ARHGAP24: variants seen among roughly 807,000 people sequenced by gnomAD.
ARHGAP24 encodes Rho GTPase activating protein 24, also known as rho GTPase-activating protein 24.
ARHGAP24 carries 50 observed loss-of-function variants against 76.4 expected under a neutral mutation model. The observed-to-expected ratio is 0.65, with a 90% CI of 0.52 to 0.83. The LOEUF is 0.83. ARHGAP24 is among the 40% of genes least tolerant of loss of function. The probability of loss-of-function intolerance (pLI) is 0.00; values close to 1 mark genes in which losing one functional copy is unlikely to be tolerated. For synonymous variants in ARHGAP24, 345 were observed against 323.3 expected, an observed-to-expected ratio of 1.07 and a Z score of -0.72; for missense variants, 930 against 914.2, an observed-to-expected ratio of 1.02 and a Z score of -0.22.
At chr4:85,534,555 G>A (rs924020998) in intron 1 of ARHGAP24, among the ~76,000 whole-genome samples, 14 of 152,188 alleles carry the variant, frequency 9.2e-5, no homozygotes, top group Non-Finnish European at 1.6e-4. Context: ...GGCAGTTGGA[G>A]AAGATGAAGT....
At chr4:85,665,153 T>C (rs1383645728) in intron 2 of ARHGAP24, among the ~76,000 whole-genome samples, 1 of 151,480 alleles carries the variant, frequency 6.6e-6, no homozygotes, top group African/African-American at 2.4e-5. Context: ...GAGTCTAAGT[T>C]TCTTTGTAGG....
chr4:85,637,085 T>A, intron 2 of ARHGAP24, among the ~76,000 whole-genome samples: 1 of 152,106 alleles, frequency 6.6e-6, no homozygotes, highest in East Asian at 1.9e-4. Flanking sequence ...AAAAATTAAT[T>A]AAATACATGT....
rs757833340 is a variant in ARHGAP24 at position 85,923,743 on chromosome 4, C to T, written c.364C>T (p.Arg122Ter). The T allele has an allele frequency of 2.5e-6, 4 of 1,613,868 alleles. No individual in the cohort carries two copies. Among genetic ancestry groups the T allele is most frequent in the Non-Finnish European group, 3.4e-6 (4 of 1,179,924 alleles). The change falls in exon 4 of 10, where the codon CGA becomes TGA. Residue 122 changes from arginine (R) to a stop codon, truncating the protein, a stop_gained. Coordinates refer to ENST00000395184, the MANE Select transcript of ARHGAP24 (RefSeq NM_001025616.3). LOFTEE classifies it high-confidence loss of function. ...GGAAGACTGGGTGAAGTCAATCCGC[C>T]GAGTCATATGGGGACCTTTCGGAGG... is the stretch of plus-strand genomic sequence containing the variant. ...DMEDWVKSIR[R>*]VIWGPFGGGI...
At chr4:85,956,816 G>A (rs983671988) in intron 5 of ARHGAP24, among the ~76,000 whole-genome samples, 7 of 152,132 alleles carry the variant, frequency 4.6e-5, no homozygotes, top group Admixed American at 1.3e-4. Context: ...GGTGGATGGC[G>A]AGTGAAAACT....
At chr4:85,675,343 A>T (rs1381838460) in intron 2 of ARHGAP24, among the ~76,000 whole-genome samples, 1 of 152,168 alleles carries the variant, frequency 6.6e-6, no homozygotes, top group Non-Finnish European at 1.5e-5. Context: ...GTCCTCTATG[A>T]ATGTTTTCTA....
chr4:85,670,381 A>C (rs1722780690), intron 2 of ARHGAP24, among the ~76,000 whole-genome samples: 1 of 152,222 alleles, frequency 6.6e-6, no homozygotes, highest in African/African-American at 2.4e-5. Flanking sequence ...TACGTTAGCC[A>C]ATTCAAATAA....
chr4:85,971,329 A>G (rs1056328025), intron 5 of ARHGAP24, among the ~76,000 whole-genome samples: 2 of 152,120 alleles, frequency 1.3e-5, no homozygotes, highest in African/African-American at 4.8e-5. Flanking sequence ...TAGATTTGGT[A>G]TTTTTTTGTA....
chr4:85,641,027 G>C (rs1026953950), intron 2 of ARHGAP24, among the ~76,000 whole-genome samples: 14 of 151,874 alleles, frequency 9.2e-5, no homozygotes, highest in African/African-American at 3.1e-4. Context: ...ATTTACTTAA[G>C]TTATTAAAGA....
chr4:85,787,011 G>A (rs1727874200), intron 3 of ARHGAP24, among the ~76,000 whole-genome samples: 1 of 152,178 alleles, frequency 6.6e-6, no homozygotes, highest in Non-Finnish European at 1.5e-5. Flanking sequence ...CTCTTTGAGG[G>A]CAGGGGCTTT....
chr4:85,633,757 G>A (rs936123029), intron 2 of ARHGAP24, among the ~76,000 whole-genome samples: 10 of 151,654 alleles, frequency 6.6e-5, no homozygotes, highest in Non-Finnish European at 1.5e-4. Flanking sequence ...TACTTTTAGG[G>A]CAGGTATAGC....
chr4:85,779,925 C>T (rs1223373684), intron 3 of ARHGAP24, among the ~76,000 whole-genome samples: 2 of 152,136 alleles, frequency 1.3e-5, no homozygotes, highest in South Asian at 2.1e-4. Context: ...TAAACTTTTA[C>T]CACTGAAAAC....
intron 3 of ARHGAP24, among the ~76,000 whole-genome samples, chr4:85,914,402 T>C (rs143051105): frequency 1.3e-5 from 2 of 152,340 alleles, no homozygotes; most frequent in African/African-American, 2.4e-5. Flanking sequence ...CCATTTTGAT[T>C]CAGTTAGTGT....
chr4:85,685,940 G>A (rs1723408863), intron 2 of ARHGAP24, among the ~76,000 whole-genome samples: 1 of 152,242 alleles, frequency 6.6e-6, no homozygotes, highest in South Asian at 2.1e-4. Context: ...TGGATTCATA[G>A]GAGAATGGAC....
intron 1 of ARHGAP24, among the ~76,000 whole-genome samples, chr4:85,553,022 A>T (rs2128097): frequency 0.033 from 5,025 of 152,134 alleles, 148 homozygotes; most frequent in Non-Finnish European, 0.049. Flanking sequence ...AGAGTTGCTC[A>T]TTCCTCCCGG....
intron 3 of ARHGAP24, among the ~76,000 whole-genome samples, chr4:85,779,704 C>T (rs771713055): frequency 3.3e-5 from 5 of 151,866 alleles, no homozygotes; most frequent in Admixed American, 2.0e-4. Flanking sequence ...TTCAAGTCAC[C>T]GATCCATAGA....
At chr4:85,596,077 G>T (rs149332612) in intron 2 of ARHGAP24, among the ~76,000 whole-genome samples, 2 of 151,724 alleles carry the variant, frequency 1.3e-5, no homozygotes, top group East Asian at 1.9e-4. Flanking sequence ...ACATGAAAAT[G>T]ATTTTTCTTA....
chr4:85,559,291 CAAAT>C (rs1275049513), intron 1 of ARHGAP24, among the ~76,000 whole-genome samples: 1 of 152,100 alleles, frequency 6.6e-6, no homozygotes, highest in African/African-American at 2.4e-5. Context: ...TTTTAATTGA[CAAAT>C]AAACATTATA....
intron 2 of ARHGAP24, 166 bp downstream of exon 2, chr4:85,570,887 T>C (rs1727113440): frequency 1.3e-6 from 1 of 747,916 alleles, no homozygotes; most frequent in Admixed American, 2.8e-5. Context: ...TTGGAGATAA[T>C]AAAATCGCTA....
chr4:85,581,666 C>T (rs903394308), intron 2 of ARHGAP24, among the ~76,000 whole-genome samples: 2 of 152,042 alleles, frequency 1.3e-5, no homozygotes, highest in Non-Finnish European at 2.9e-5. Flanking sequence ...AAAACATTAG[C>T]AGTAAGATTC....
Sources: allele counts gnomAD v4.1 joint callset (sites outside exome capture counted in the v4.1 genomes callset), GRCh38; gene constraint gnomAD v4.1.1; transcripts MANE v1.5; gene names NCBI Gene and HGNC (gene_info 2026-07-23, HGNC 2026-07-21).